The following ORC3 variants were observed in gnomAD, a reference collection of about 807,000 sequenced individuals.
ORC3 encodes the protein homolog of latheo, Drosophila.
In ORC3, 78 loss-of-function variants were observed where a neutral mutation model predicts 100.7. The ratio of observed to expected loss-of-function variants is 0.77; its 90% confidence interval spans 0.65 to 0.94. The LOEUF (loss-of-function observed/expected upper bound fraction) is 0.94. Ranked by LOEUF, ORC3 falls within the 40% of genes least tolerant of loss-of-function variation. The probability of loss-of-function intolerance (pLI) is 0.00; values close to 1 mark genes in which losing one functional copy is unlikely to be tolerated. For synonymous variants in ORC3, 295 were observed against 289.3 expected (o/e 1.02, Z -0.20); for missense variants, 789 against 823.9 (o/e 0.96, Z 0.52).
At chr6:87,619,379 A>G (rs1779378166) in intron 9 of ORC3, among the ~76,000 whole-genome samples, 1 of 152,124 alleles carries the variant, frequency 6.6e-6, no homozygotes. Flanking sequence ...TATGCTTGAC[A>G]CTTTACTAAA....
At chr6:87,590,408 T>G (rs1231040961) in intron 1 of ORC3, among the ~76,000 whole-genome samples, 1 of 152,130 alleles carries the variant, frequency 6.6e-6, no homozygotes, top group Non-Finnish European at 1.5e-5. Context: ...CTAGGAGGAT[T>G]TTTAAGTTCT....
At chr6:87,657,133 C>T in intron 15 of ORC3, 151 bp downstream of exon 15, 1 of 595,302 alleles carries the variant, frequency 1.7e-6, no homozygotes, top group Non-Finnish European at 3.0e-6. Flanking sequence ...CTAAGTTGAA[C>T]ATCCTGTTAG....
At chr6:87,595,769 A>G (rs748345537) in intron 2 of ORC3, among the ~76,000 whole-genome samples, 6 of 152,176 alleles carry the variant, frequency 3.9e-5, no homozygotes, top group Non-Finnish European at 8.8e-5. Flanking sequence ...TCACTCAGAC[A>G]TACGCATACT....
At chr6:87,598,516 T>C (rs1000166157) in intron 2 of ORC3, among the ~76,000 whole-genome samples, 5 of 152,230 alleles carry the variant, frequency 3.3e-5, no homozygotes, top group Admixed American at 2.6e-4. Flanking sequence ...TGCCTCTCAT[T>C]ATATAAGGCC....
chr6:87,653,693 A>G (rs1043574133), intron 14 of ORC3, among the ~76,000 whole-genome samples: 45 of 152,232 alleles, frequency 3.0e-4, no homozygotes, highest in African/African-American at 1.1e-3. Context: ...CTGCTTTCAC[A>G]GCAGTGAGGC....
In ORC3 at chr6:87,602,990, T is replaced by C. The variant is rs564725613; in HGVS notation, c.178-394T>C. Among the ~76,000 whole-genome samples, 3 of 137,136 alleles carry C rather than the reference T, an allele frequency of 2.2e-5. No individual in the cohort carries two copies. In the East Asian group the frequency reaches 6.2e-4, roughly 28 times the overall value. The allele number at this position is 137,136 out of a possible 152,430, so 90.0% of individuals were successfully genotyped here. A position where few individuals can be genotyped will look rare whatever the true frequency, so the allele number is the denominator to read the frequency against. On this transcript the variant is annotated intron_variant, in intron 3 of 19. Transcript: ENST00000392844. ...ATATATACATATATATATACAATTT[T>C]TTTTTTTGAGACAAGGTCTTGCTCT...
At chr6:87,616,759 G>T (rs980858881) in intron 9 of ORC3, among the ~76,000 whole-genome samples, 1 of 151,860 alleles carries the variant, frequency 6.6e-6, no homozygotes, top group African/African-American at 2.4e-5. Context: ...CTATATATAA[G>T]GGGTCAGCAA....
chr6:87,674,098 C>T, the ORC3 span, among the ~76,000 whole-genome samples: 2 of 151,846 alleles, frequency 1.3e-5, no homozygotes, highest in African/African-American at 2.4e-5. Context: ...GTCAGGAGTT[C>T]GAGACCAGCC....
Position 87,653,376 on chromosome 6 carries a change from G to A in ORC3, c.1516+127G>A, listed in dbSNP as rs1004603563. On this transcript the variant is annotated intron_variant, in intron 14 of 19. Coordinates refer to ENST00000392844, the MANE Select transcript of ORC3 (RefSeq NM_012381.4). ...AAAGTAGTTCATGATCAGTCAGTATGCCAAGCCTCATAGTATCACATTTTA... is the reference window on the plus strand; with the variant it reads ...AAAGTAGTTCATGATCAGTCAGTATACCAAGCCTCATAGTATCACATTTTA... 8.0e-6 allele frequency: 6 copies of A among 751,888 alleles called. No homozygotes were observed. In the African/African-American group the frequency reaches 1.0e-4, roughly 13 times the overall value. The allele number at this position is 751,888 out of a possible 1,614,324, so 46.6% of individuals were successfully genotyped here.
intron 11 of ORC3, among the ~76,000 whole-genome samples, chr6:87,630,727 T>C (rs1767341162): frequency 6.6e-6 from 1 of 152,094 alleles, no homozygotes. Context: ...AGAAGGTAAA[T>C]TTTGAGTAAA....
At chr6:87,632,940 A>G (rs1303963323) in intron 11 of ORC3, among the ~76,000 whole-genome samples, 1 of 152,244 alleles carries the variant, frequency 6.6e-6, no homozygotes, top group Non-Finnish European at 1.5e-5. Flanking sequence ...AGTGAAAAGT[A>G]TGAAGGAACT....
chr6:87,599,435 T>A (rs1241999035), intron 2 of ORC3, among the ~76,000 whole-genome samples: 1 of 151,890 alleles, frequency 6.6e-6, no homozygotes, highest in East Asian at 1.9e-4. Context: ...TGGCACAATT[T>A]CAGCTCACTG....
At chr6:87,604,928 C>T (rs1457982459) in intron 4 of ORC3, among the ~76,000 whole-genome samples, 1 of 152,098 alleles carries the variant, frequency 6.6e-6, no homozygotes, top group Non-Finnish European at 1.5e-5. Flanking sequence ...GAAAGTTTTG[C>T]AGCTGTAACT....
At chr6:87,663,855 G>GC (rs1356320675) in intron 17 of ORC3, among the ~76,000 whole-genome samples, 1 of 152,124 alleles carries the variant, frequency 6.6e-6, no homozygotes, top group African/African-American at 2.4e-5. Context: ...CAGAAATCTT[G>GC]CCACAATAAA....
chr6:87,674,736 A>G, the ORC3 span, among the ~76,000 whole-genome samples: 1 of 150,118 alleles, frequency 6.7e-6, no homozygotes, highest in Admixed American at 6.6e-5. Context: ...GGCCTCCCAA[A>G]GTGCTGGGAT....
intron 17 of ORC3, 45 bp from the exon 18 acceptor site, chr6:87,664,698 A>G: frequency 6.8e-7 from 1 of 1,465,692 alleles, no homozygotes; most frequent in Non-Finnish European, 9.6e-7. Context: ...TTTATTCCTA[A>G]TAATTTATAA....
chr6:87,660,924 T>C (rs1770131522), intron 16 of ORC3, among the ~76,000 whole-genome samples: 2 of 152,274 alleles, frequency 1.3e-5, no homozygotes. Context: ...TTACTGTTGT[T>C]GTTCAACTAA....
At chr6:87,644,940 G>T (rs901136263) in intron 13 of ORC3, among the ~76,000 whole-genome samples, 1 of 151,970 alleles carries the variant, frequency 6.6e-6, no homozygotes, top group African/African-American at 2.4e-5. Context: ...TATTCTTTTT[G>T]ATGTATTCCA....
At chr6:87,611,996 C>A in intron 7 of ORC3, 93 bp from the exon 8 acceptor site, 1 of 1,150,100 alleles carries the variant, frequency 8.7e-7, no homozygotes, top group Non-Finnish European at 1.2e-6. Flanking sequence ...ATAAAGTAAG[C>A]ATTAAAATAA....
Sources: gnomAD v4.1 joint callset for allele counts (sites outside exome capture counted in the v4.1 genomes callset) on GRCh38, gnomAD v4.1.1 for gene constraint, MANE v1.5 for transcripts, NCBI Gene and HGNC (gene_info 2026-07-23, HGNC 2026-07-21) for gene names.